Variants in CALN1 observed in about 807,000 individuals in gnomAD.
The protein encoded by CALN1 is calcium-binding protein 8.
A neutral mutation model predicts 30.6 loss-of-function variants in CALN1; 17 were observed. The ratio of observed to expected loss-of-function variants is 0.56; its 90% CI spans 0.38 to 0.83. The LOEUF (loss-of-function observed/expected upper bound fraction) is 0.83. Among genes scored for constraint, CALN1 ranks in the 40% least tolerant of loss-of-function variants. The probability of loss-of-function intolerance (pLI) is 0.00; values close to 1 mark genes in which losing one functional copy is unlikely to be tolerated. For synonymous variants in CALN1, 156 were observed against 131.4 expected (o/e 1.19, Z -1.28); for missense variants, 291 against 354.9 (o/e 0.82, Z 1.45).
At chr7:72,300,760 G>C (rs1562858863) in intron 2 of CALN1, among the ~76,000 whole-genome samples, 2 of 152,146 alleles carry the variant, frequency 1.3e-5, no homozygotes, top group South Asian at 2.1e-4. Context: ...GGGAGGCCAA[G>C]AGGGGGCAGA....
chr7:72,247,938 A>G (rs1795303940), intron 3 of CALN1, among the ~76,000 whole-genome samples: 1 of 152,218 alleles, frequency 6.6e-6, no homozygotes, highest in South Asian at 2.1e-4. Flanking sequence ...TCCAGGTTGC[A>G]GTGAGCTACA....
intron 4 of CALN1, among the ~76,000 whole-genome samples, 156 bp downstream of exon 4, chr7:72,105,995 A>G (rs1807079851): frequency 6.6e-6 from 1 of 152,084 alleles, no homozygotes. Context: ...AACTCTATGG[A>G]AAGTTACTGA....
chr7:72,314,455 A>C (rs1276404861), intron 2 of CALN1, among the ~76,000 whole-genome samples: 2 of 150,354 alleles, frequency 1.3e-5, no homozygotes, highest in Non-Finnish European at 2.9e-5. Context: ...AGAGAGTCTC[A>C]TTCTGTCACC....
chr7:72,326,446 T>C (rs564129394), intron 2 of CALN1, among the ~76,000 whole-genome samples: 2 of 152,334 alleles, frequency 1.3e-5, no homozygotes, highest in South Asian at 2.1e-4. Context: ...CTAAGCTAGT[T>C]TGCCTGCTGA....
chr7:72,402,212 C>A (rs1038905323), intron 2 of CALN1, among the ~76,000 whole-genome samples: 2 of 152,208 alleles, frequency 1.3e-5, no homozygotes, highest in Non-Finnish European at 2.9e-5. Context: ...TCAGCTCCTG[C>A]CCTTGACTTC....
intron 2 of CALN1, among the ~76,000 whole-genome samples, chr7:72,294,272 TAA>T (rs1798694400): frequency 6.6e-6 from 1 of 152,118 alleles, no homozygotes; most frequent in Non-Finnish European, 1.5e-5. Flanking sequence ...AAGTCAAATG[TAA>T]TAGAAAATAA....
chr7:72,125,676 G>A (rs1808701341), intron 3 of CALN1, among the ~76,000 whole-genome samples: 1 of 151,894 alleles, frequency 6.6e-6, no homozygotes, highest in Admixed American at 6.6e-5. Flanking sequence ...CTTTAGTGGT[G>A]ATTTCTGAGA....
At position 71,780,160 on chromosome 7, in the gene CALN1, G is replaced by A. The variant is rs764811752; in HGVS notation, c.*7615C>T. On this transcript the variant is annotated 3_prime_UTR_variant, in exon 7 of 7. Coordinates refer to ENST00000395275, the MANE Select transcript of CALN1 (RefSeq NM_031468.4). ...AAAGCTTCTTCCTGGATTCAGAACT[G>A]GGGAAGAAAATCAGACCCCAATAAG... is the stretch of plus-strand genomic sequence containing the variant. 3 of 152,152 alleles carry A rather than the reference G, an allele frequency of 2.0e-5. No individual in the cohort carries two copies. The highest frequency in any genetic ancestry group is 4.4e-5 in the Non-Finnish European group (3 of 68,030). The allele number at this position is 152,152 out of a possible 1,614,324, so 9.4% of individuals were successfully genotyped here.
chr7:72,460,293 G>A, the CALN1 span, among the ~76,000 whole-genome samples: 1 of 152,164 alleles, frequency 6.6e-6, no homozygotes, highest in Admixed American at 6.6e-5. Flanking sequence ...TTATGAAGGT[G>A]GAAAGACATC....
At chr7:72,248,881 G>C (rs1272938390) in intron 3 of CALN1, among the ~76,000 whole-genome samples, 1 of 151,706 alleles carries the variant, frequency 6.6e-6, no homozygotes, top group African/African-American at 2.4e-5. Flanking sequence ...GTCTATAATC[G>C]ATCATGTTTT....
chr7:72,003,225 C>T (rs550761683), intron 5 of CALN1, among the ~76,000 whole-genome samples: 1 of 152,268 alleles, frequency 6.6e-6, no homozygotes, highest in South Asian at 2.1e-4. Flanking sequence ...TAACAATAAA[C>T]ATGTTACATT....
At chr7:71,857,012 ATGTATG>A (rs1481540437) in intron 5 of CALN1, among the ~76,000 whole-genome samples, 17 of 123,054 alleles carry the variant, frequency 1.4e-4, no homozygotes, top group African/African-American at 4.4e-4. Context: ...TGGTGTGTAT[ATGTATG>A]TGTGTGTGTG....
At chr7:72,130,731 C>T (rs1809082948) in intron 3 of CALN1, among the ~76,000 whole-genome samples, 1 of 152,078 alleles carries the variant, frequency 6.6e-6, no homozygotes, top group Non-Finnish European at 1.5e-5. Flanking sequence ...GAAATTTGTA[C>T]CATTAATGCA....
In CALN1 at chr7:72,209,302, TTCCTTCCC is replaced by T. The variant is rs1423582606; in HGVS notation, c.244+69376_244+69383del. Among the ~76,000 whole-genome samples the T allele has an allele frequency of 4.2e-3, 170 of 40,880 alleles. 27 individuals carry two copies. The highest frequency in any genetic ancestry group is 0.022 in the East Asian group (9 of 412). 26.8% of individuals were successfully genotyped at this position (40,880 alleles called of 152,430 possible). A position where few individuals can be genotyped will look rare whatever the true frequency, so the allele number is the denominator to read the frequency against. On this transcript the variant is annotated intron_variant, in intron 3 of 6. Coordinates refer to ENST00000395275, the MANE Select transcript of CALN1 (RefSeq NM_031468.4). ...CCTCTTTCCTTCCCTCCTTCCCTCT[TTCCTTCCC>T]TCCTTCCCTCCTTCCCTCTTTCCTT...
At chr7:72,101,269 A>G (rs1806645261) in intron 4 of CALN1, among the ~76,000 whole-genome samples, 1 of 152,160 alleles carries the variant, frequency 6.6e-6, no homozygotes, top group South Asian at 2.1e-4. Context: ...GAGTTGTGTG[A>G]GCAGAATCAA....
chr7:72,012,847 G>C (rs767441724), intron 5 of CALN1, among the ~76,000 whole-genome samples: 15 of 152,200 alleles, frequency 9.9e-5, no homozygotes, highest in Non-Finnish European at 1.5e-4. Flanking sequence ...CCAGGCTGGA[G>C]TGCAAGGGCG....
At chr7:72,247,597 T>C (rs1389935688) in intron 3 of CALN1, among the ~76,000 whole-genome samples, 1 of 152,176 alleles carries the variant, frequency 6.6e-6, no homozygotes, top group Non-Finnish European at 1.5e-5. Flanking sequence ...ATGATTATCA[T>C]GCCCACTTTA....
chr7:71,894,074 TG>T (rs1228292477), intron 5 of CALN1, among the ~76,000 whole-genome samples: 1 of 152,148 alleles, frequency 6.6e-6, no homozygotes, highest in East Asian at 1.9e-4. Context: ...CTACTGAAAC[TG>T]GGTTCTGATG....
chr7:72,411,918 G>A (rs1236671538), intron 1 of CALN1, 140 bp downstream of exon 1: 5 of 152,082 alleles, frequency 3.3e-5, no homozygotes, highest in African/African-American at 4.8e-5. Context: ...AACCGATAAA[G>A]AAAAAATCAT....
Sources: gnomAD v4.1 joint callset for allele counts (sites outside exome capture counted in the v4.1 genomes callset) on GRCh38, gnomAD v4.1.1 for gene constraint, MANE v1.5 for transcripts, NCBI Gene and HGNC (gene_info 2026-07-23, HGNC 2026-07-21) for gene names.